YWHAH: variants seen among roughly 807,000 people sequenced by gnomAD.
YWHAH encodes the protein tyrosine 3-monooxygenase/tryptophan 5-monooxygenase activation protein eta.
In YWHAH, 6 loss-of-function variants were observed where a neutral mutation model predicts 22.9. The ratio of observed to expected loss-of-function variants is 0.26; its 90% CI spans 0.14 to 0.52. The LOEUF (loss-of-function observed/expected upper bound fraction) is 0.52. YWHAH is among the 20% of genes least tolerant of loss of function. The pLI is 0.97. For missense variants in YWHAH, 173 were observed against 308.6 expected, an observed-to-expected ratio of 0.56 and a Z score of 3.29; for synonymous variants, 135 against 124.5, an observed-to-expected ratio of 1.08 and a Z score of -0.56.
intron 1 of YWHAH, among the ~76,000 whole-genome samples, chr22:31,951,138 C>T (rs1250684108): frequency 6.6e-6 from 1 of 152,146 alleles, no homozygotes; most frequent in Non-Finnish European, 1.5e-5. Context: ...AAGTGATCCG[C>T]CTGCCTTGGC....
intron 1 of YWHAH, among the ~76,000 whole-genome samples, chr22:31,946,543 C>G (rs2093834993): frequency 6.6e-6 from 1 of 151,874 alleles, no homozygotes; most frequent in South Asian, 2.1e-4. Flanking sequence ...CTGCAGTGTT[C>G]GGAGCCCTTT....
Sources: gnomAD v4.1 joint callset for allele counts (sites outside exome capture counted in the v4.1 genomes callset) on GRCh38, gnomAD v4.1.1 for gene constraint, MANE v1.5 for transcripts, NCBI Gene and HGNC (gene_info 2026-07-23, HGNC 2026-07-21) for gene names.